Variants in ATRNL1 observed in about 807,000 individuals in gnomAD.
ATRNL1 encodes the protein attractin-like protein 1.
Under a neutral mutation model 182.7 loss-of-function variants are expected in ATRNL1, and 95 were observed. That is an observed-to-expected ratio of 0.52 (90% confidence interval 0.44 to 0.62). The LOEUF (loss-of-function observed/expected upper bound fraction) is 0.62, where lower values mean the gene tolerates loss of function less well. ATRNL1 is among the 20% of genes least tolerant of loss of function. The pLI is 0.00. For synonymous variants in ATRNL1, 576 were observed against 568.3 expected (o/e 1.01, Z -0.19); for missense variants, 1,471 against 1,679.5 (o/e 0.88, Z 2.17).
chr10:115,267,073 C>A, intron 12 of ATRNL1, 68 bp downstream of exon 12: 2 of 1,104,672 alleles, frequency 1.8e-6, no homozygotes, highest in Non-Finnish European at 2.7e-6. Flanking sequence ...GAAATATCTT[C>A]TGCTTATAAG....
chr10:115,634,845 C>A (rs541866176), intron 26 of ATRNL1, among the ~76,000 whole-genome samples: 4 of 152,120 alleles, frequency 2.6e-5, no homozygotes, highest in Non-Finnish European at 5.9e-5. Flanking sequence ...CTGCCACCAC[C>A]TGATAGTGTA....
chr10:115,741,355 C>T (rs1210310569), intron 27 of ATRNL1, among the ~76,000 whole-genome samples: 1 of 151,930 alleles, frequency 6.6e-6, no homozygotes, highest in Admixed American at 6.6e-5. Flanking sequence ...AGGATGGAGA[C>T]AGGTAAGAAG....
At chr10:115,094,950 G>A (rs948052079) in intron 1 of ATRNL1, among the ~76,000 whole-genome samples, 1 of 152,296 alleles carries the variant, frequency 6.6e-6, no homozygotes, top group Admixed American at 6.5e-5. Context: ...GCTTTTGTGC[G>A]GGAACATCGC....
intron 26 of ATRNL1, among the ~76,000 whole-genome samples, chr10:115,680,033 T>A (rs1050287825): frequency 6.6e-6 from 1 of 152,140 alleles, no homozygotes; most frequent in Non-Finnish European, 1.5e-5. Flanking sequence ...TTGTACTGCA[T>A]AACATAGATT....
rs1855377025 is a variant in ATRNL1 at position 115,334,315 on chromosome 10, A to G, written c.3071A>G (p.Asn1024Ser). ...TGTAATGGACATAGCACTTGCATCAATAATAATGTGTGCGAACAGTGTAAA... is the reference window on the plus strand; with the variant it reads ...TGTAATGGACATAGCACTTGCATCAGTAATAATGTGTGCGAACAGTGTAAA... ...CQCNGHSTCI[N>S]NNVCEQCKNL... Residue 1024 changes from asparagine (N) to serine (S), a missense_variant, in exon 19 of 29, where the codon AAT (asparagine) becomes AGT (serine). Around this residue, in one of 3 missense-constraint regions of ATRNL1, gnomAD observed 437 missense variants for 506.0 expected, o/e 0.86. Transcript: ENST00000355044. The G allele has an allele frequency of 3.1e-6, 5 of 1,590,724 alleles. No individual in the cohort carries two copies. The highest frequency in any genetic ancestry group is 3.4e-6 in the Non-Finnish European group (4 of 1,164,822).
intron 26 of ATRNL1, among the ~76,000 whole-genome samples, chr10:115,658,090 CTTTTTTTTTTTTTTTT>C (rs71010038): frequency 1.1e-5 from 1 of 90,288 alleles, no homozygotes. Flanking sequence ...AATTTTTTTC[CTTTTTTTTTTTTTTTT>C]TTTTTTTGAG....
At chr10:115,451,093 T>G (rs1240273146) in intron 21 of ATRNL1, among the ~76,000 whole-genome samples, 1 of 152,132 alleles carries the variant, frequency 6.6e-6, no homozygotes, top group Non-Finnish European at 1.5e-5. Flanking sequence ...CTGGACCCCT[T>G]CCTTACACCA....
At chr10:115,511,252 G>C (rs1554982617) in intron 24 of ATRNL1, among the ~76,000 whole-genome samples, 2 of 151,658 alleles carry the variant, frequency 1.3e-5, no homozygotes, top group Non-Finnish European at 2.9e-5. Flanking sequence ...TTTCATCGTG[G>C]ATCTTAGTAA....
At chr10:115,600,674 C>T (rs1398252873) in intron 26 of ATRNL1, among the ~76,000 whole-genome samples, 3 of 152,030 alleles carry the variant, frequency 2.0e-5, no homozygotes, top group African/African-American at 7.2e-5. Flanking sequence ...TTCCCCAGGT[C>T]TATAAGCTTG....
At chr10:115,241,520 C>A in intron 9 of ATRNL1, 51 bp from the exon 10 acceptor site, 1 of 1,302,398 alleles carries the variant, frequency 7.7e-7, no homozygotes, top group Non-Finnish European at 1.1e-6. Context: ...TATATAAAAT[C>A]AGGGAGGTCA....
chr10:115,888,492 TGC>T (rs1555110359), intron 28 of ATRNL1, among the ~76,000 whole-genome samples: 1 of 152,200 alleles, frequency 6.6e-6, no homozygotes. Context: ...CCAGATGGAA[TGC>T]CCTTCTCCTC....
At chr10:115,385,860 A>T (rs1858315552) in intron 19 of ATRNL1, among the ~76,000 whole-genome samples, 1 of 152,200 alleles carries the variant, frequency 6.6e-6, no homozygotes, top group Admixed American at 6.5e-5. Flanking sequence ...GTTGAAAACT[A>T]AATTGATGGA....
chr10:115,279,201 C>CA (rs1156356544), intron 13 of ATRNL1, among the ~76,000 whole-genome samples: 3,154 of 109,340 alleles, frequency 0.029, 49 homozygotes, highest in African/African-American at 0.046. Context: ...GACTCTGTCT[C>CA]AAAAAAAAAA....
intron 19 of ATRNL1, among the ~76,000 whole-genome samples, chr10:115,385,579 G>A (rs1858294256): frequency 6.6e-6 from 1 of 151,876 alleles, no homozygotes; most frequent in Admixed American, 6.6e-5. Context: ...TAAATTATAT[G>A]TTTTTTTCTT....
At chr10:115,305,458 G>A (rs924623836) in intron 17 of ATRNL1, among the ~76,000 whole-genome samples, 6 of 152,138 alleles carry the variant, frequency 3.9e-5, no homozygotes, top group Non-Finnish European at 7.4e-5. Context: ...AGGAATGGGG[G>A]TGTTGTACCT....
At chr10:115,780,857 G>A (rs932477878) in intron 27 of ATRNL1, among the ~76,000 whole-genome samples, 8 of 152,202 alleles carry the variant, frequency 5.3e-5, no homozygotes, top group Non-Finnish European at 8.8e-5. Context: ...AGACTCAGAT[G>A]TACTGGTTTC....
chr10:115,891,028 G>A (rs1952067597), intron 28 of ATRNL1, among the ~76,000 whole-genome samples: 1 of 152,040 alleles, frequency 6.6e-6, no homozygotes, highest in African/African-American at 2.4e-5. Flanking sequence ...CAAGGTGTGT[G>A]GGCAGGGGAG....
intron 26 of ATRNL1, among the ~76,000 whole-genome samples, chr10:115,656,616 C>T (rs1379002804): frequency 2.6e-5 from 4 of 151,828 alleles, no homozygotes; most frequent in East Asian, 1.9e-4. Flanking sequence ...TAAGTTGGTT[C>T]GAATATGAAT....
At position 115,508,303 on chromosome 10, in the gene ATRNL1, T is replaced by C. The variant is rs532638713; in HGVS notation, c.3655-10960T>C. ...AGTTCTGTCTCCATCTCCTTAGGCC[T>C]CCTTTTCATTGAGACACAGCAATAT... is the stretch of plus-strand genomic sequence containing the variant. On this transcript the variant is annotated intron_variant, in intron 24 of 28. Transcript: ENST00000355044. 2.8e-4 allele frequency among the ~76,000 whole-genome samples: 43 copies of C among 152,122 alleles called. 1 individual carries two copies. The South Asian group carries it at 8.5e-3, about 30-fold the overall frequency.
Sources: gnomAD v4.1 joint callset for allele counts (sites outside exome capture counted in the v4.1 genomes callset) on GRCh38, gnomAD v4.1.1 for gene constraint, gnomAD v4.1.1 regional missense constraint, MANE v1.5 for transcripts, NCBI Gene and HGNC (gene_info 2026-07-23, HGNC 2026-07-21) for gene names.